ZNF536: variants seen among roughly 807,000 people sequenced by gnomAD.
ZNF536 encodes the protein zinc finger protein 536.
Under a neutral mutation model 84.5 loss-of-function variants are expected in ZNF536, and 13 were observed. The observed-to-expected ratio is 0.15, with a 90% CI of 0.10 to 0.24. ZNF536 has a LOEUF of 0.24. ZNF536 is among the 10% of genes least tolerant of loss of function. The probability of loss-of-function intolerance (pLI) is 1.00; values close to 1 mark genes in which losing one functional copy is unlikely to be tolerated. For missense variants in ZNF536, 1,536 were observed against 1,747.5 expected (o/e 0.88, Z 2.16); for synonymous variants, 811 against 742.5 (o/e 1.09, Z -1.50).
intron 1 of ZNF536, among the ~76,000 whole-genome samples, chr19:30,569,728 G>A (rs757105166): frequency 3.3e-5 from 5 of 151,642 alleles, no homozygotes; most frequent in Non-Finnish European, 5.9e-5. Context: ...GCACCACCAC[G>A]CCTGGCTAAT....
chr19:30,261,297 C>CAA (rs66862950), intron 1 of ZNF536, among the ~76,000 whole-genome samples: 403 of 23,062 alleles, frequency 0.017, 3 homozygotes, highest in Non-Finnish European at 0.021. Flanking sequence ...GACTCCGTCT[C>CAA]AAAAAAAAAA....
intron 3 of ZNF536, among the ~76,000 whole-genome samples, chr19:30,366,533 A>G (rs866994727): frequency 6.6e-6 from 1 of 151,430 alleles, no homozygotes; most frequent in Middle Eastern, 3.4e-3. Context: ...GCATCTCTCT[A>G]TATACAGATA....
chr19:30,683,518 C>T (rs1258887936), intron 1 of ZNF536, among the ~76,000 whole-genome samples: 1 of 151,822 alleles, frequency 6.6e-6, no homozygotes, highest in Non-Finnish European at 1.5e-5. Flanking sequence ...TGCCAGCCCA[C>T]CTCATCTGGG....
chr19:30,454,633 T>C (rs2052753534), intron 2 of ZNF536, among the ~76,000 whole-genome samples: 1 of 152,258 alleles, frequency 6.6e-6, no homozygotes, highest in Non-Finnish European at 1.5e-5. Flanking sequence ...AAAGCTGCTA[T>C]GTGGCATCAT....
At chr19:30,652,881 T>G (rs764447347) in intron 1 of ZNF536, among the ~76,000 whole-genome samples, 1 of 152,144 alleles carries the variant, frequency 6.6e-6, no homozygotes, top group African/African-American at 2.4e-5. Context: ...AGAGAGGGAT[T>G]ATTCTGGAAA....
chr19:30,433,730 C>T (rs1185231726), intron 1 of ZNF536, among the ~76,000 whole-genome samples: 1 of 152,200 alleles, frequency 6.6e-6, no homozygotes, highest in African/African-American at 2.4e-5. Flanking sequence ...CTCCTGACCT[C>T]AGGTGATCTG....
intron 1 of ZNF536, among the ~76,000 whole-genome samples, chr19:30,576,514 T>A (rs1568569535): frequency 1.3e-5 from 2 of 152,192 alleles, no homozygotes; most frequent in African/African-American, 4.8e-5. Flanking sequence ...TCTGACCTCC[T>A]GGGGAATTGA....
At chr19:30,250,339 G>A (rs2024535379) in intron 1 of ZNF536, among the ~76,000 whole-genome samples, 1 of 152,298 alleles carries the variant, frequency 6.6e-6, no homozygotes, top group South Asian at 2.1e-4. Context: ...TTCATCTACA[G>A]GGAACATATA....
chr19:30,606,192 AATAATAAAATAAAATAAAATAAAAT>A lies in ZNF536; in HGVS notation c.169+56683_169+56707del, dbSNP rs200286476. Among the ~76,000 whole-genome samples, 445 of 58,462 alleles carry A rather than the reference AATAATAAAATAAAATAAAATAAAAT, an allele frequency of 7.6e-3. 3 individuals are homozygous for A. The highest frequency in any genetic ancestry group is 0.027 in the African/African-American group (402 of 14,806). The allele number at this position is 58,462 out of a possible 152,430, so 38.4% of individuals were successfully genotyped here. A position where few individuals can be genotyped will look rare whatever the true frequency, so the allele number is the denominator to read the frequency against. On this transcript the variant is annotated intron_variant, in intron 1 of 1. Coordinates refer to the ZNF536 transcript ENST00000592773. Reference sequence around the variant, plus strand: ...AAATAAATAAAATAAAATAAAATAAAATAATAAAATAAAATAAAATAAAATATAAAATAAAATAATAAAATAAAAT... The same window carrying A: ...AAATAAATAAAATAAAATAAAATAAAATAAAATAAAATAATAAAATAAAAT...
At chr19:30,642,078 T>C (rs1003982946) in intron 1 of ZNF536, among the ~76,000 whole-genome samples, 2 of 152,194 alleles carry the variant, frequency 1.3e-5, no homozygotes, top group Admixed American at 6.5e-5. Flanking sequence ...ATTGCTGATA[T>C]GGCGTGGGTG....
At chr19:30,491,063 T>G (rs936931031) in intron 2 of ZNF536, among the ~76,000 whole-genome samples, 1 of 152,080 alleles carries the variant, frequency 6.6e-6, no homozygotes, top group African/African-American at 2.4e-5. Context: ...ATGGCTCCAG[T>G]GTCTACCAAG....
At chr19:30,284,755 A>G (rs1007028628) in intron 2 of ZNF536, among the ~76,000 whole-genome samples, 1 of 152,198 alleles carries the variant, frequency 6.6e-6, no homozygotes, top group Admixed American at 6.5e-5. Context: ...CCTCGGTTGT[A>G]ATTAGCCCAG....
intron 2 of ZNF536, among the ~76,000 whole-genome samples, chr19:30,528,960 G>T (rs2044697586): frequency 6.6e-6 from 1 of 151,888 alleles, no homozygotes; most frequent in Admixed American, 6.6e-5. Context: ...AGACAGCCTG[G>T]GATAGGCTTG....
intron 2 of ZNF536, among the ~76,000 whole-genome samples, chr19:30,319,377 C>T (rs768140173): frequency 5.3e-5 from 8 of 150,124 alleles, no homozygotes; most frequent in East Asian, 1.9e-4. Context: ...TTTTTTTTTG[C>T]GAAATAGTTC....
At chr19:30,419,533 TGC>T (rs1343215593) in intron 1 of ZNF536, among the ~76,000 whole-genome samples, 2 of 152,170 alleles carry the variant, frequency 1.3e-5, no homozygotes, top group African/African-American at 4.8e-5. Context: ...CACACACATA[TGC>T]GTGTGTATAT....
At chr19:30,252,268 T>G (rs1038723388) in intron 1 of ZNF536, among the ~76,000 whole-genome samples, 1 of 152,198 alleles carries the variant, frequency 6.6e-6, no homozygotes, top group Non-Finnish European at 1.5e-5. Context: ...CCTGCAAGAA[T>G]GACCATAATA....
intron 1 of ZNF536, among the ~76,000 whole-genome samples, chr19:30,696,903 G>C (rs2051684583): frequency 6.6e-6 from 1 of 152,206 alleles, no homozygotes; most frequent in Non-Finnish European, 1.5e-5. Flanking sequence ...AGTGCAGGTT[G>C]AGCTCCAGCT....
intron 1 of ZNF536, among the ~76,000 whole-genome samples, chr19:30,637,617 A>C (rs2049115009): frequency 6.6e-6 from 1 of 152,248 alleles, no homozygotes; most frequent in African/African-American, 2.4e-5. Flanking sequence ...TTCCATCTAA[A>C]GAGTAACAAA....
intron 2 of ZNF536, among the ~76,000 whole-genome samples, chr19:30,519,830 A>G (rs998787167): frequency 3.3e-5 from 5 of 152,260 alleles, no homozygotes; most frequent in African/African-American, 1.2e-4. Context: ...CACAAGAGTG[A>G]GAAAAACAGA....
Sources: allele counts gnomAD v4.1 joint callset (sites outside exome capture counted in the v4.1 genomes callset), GRCh38; gene constraint gnomAD v4.1.1; transcripts MANE v1.5; gene names NCBI Gene and HGNC (gene_info 2026-07-23, HGNC 2026-07-21).